Variants in PPIP5K1 observed in about 807,000 individuals in gnomAD.
The protein encoded by PPIP5K1 is diphosphoinositol pentakisphosphate kinase 1.
In PPIP5K1, 6 loss-of-function variants were observed where a neutral mutation model predicts 27.7. The observed-to-expected ratio is 0.22, with a 90% CI of 0.12 to 0.43. The LOEUF is 0.43. Ranked by LOEUF, PPIP5K1 falls within the 20% of genes least tolerant of loss-of-function variation. The probability of loss-of-function intolerance (pLI) is 1.00; values close to 1 mark genes in which losing one functional copy is unlikely to be tolerated. For synonymous variants in PPIP5K1, 145 were observed against 242.6 expected (o/e 0.60, Z 3.74); for missense variants, 394 against 635.4 (o/e 0.62, Z 4.08).
intron 30 of PPIP5K1, among the ~76,000 whole-genome samples, chr15:43,556,791 G>A (rs2083017240): frequency 1.3e-5 from 2 of 152,200 alleles, no homozygotes; most frequent in African/African-American, 2.4e-5. Context: ...CATTGAGAAC[G>A]TGGGCTGTCA....
intron 29 of PPIP5K1, among the ~76,000 whole-genome samples, chr15:43,559,321 G>A (rs966585263): frequency 5.9e-5 from 9 of 152,204 alleles, no homozygotes; most frequent in African/African-American, 2.2e-4. Flanking sequence ...CATGAGATAG[G>A]GAGGTCAGGG....
rs201588124 is a variant in PPIP5K1 at position 43,549,056 on chromosome 15, A to C, written c.3557-9473T>G. 1.3e-4 allele frequency among the ~76,000 whole-genome samples: 7 copies of C among 54,292 alleles called. No individual in the cohort carries two copies. In the East Asian group the frequency reaches 4.9e-3, roughly 38 times the overall value. The allele number at this position is 54,292 out of a possible 152,430, so 35.6% of individuals were successfully genotyped here. ...AAAAAAAAAAAAAAAAAAAAAAAAA[A>C]ATATATATATATATATATATATATA... On this transcript the variant is annotated intron_variant, in intron 30 of 31. Transcript: ENST00000420765.
intron 30 of PPIP5K1, among the ~76,000 whole-genome samples, chr15:43,557,933 T>C (rs775769119): frequency 4.0e-5 from 6 of 150,596 alleles, no homozygotes; most frequent in Non-Finnish European, 7.4e-5. Context: ...GCCTCTAGAG[T>C]TGCTGGGATT....
At chr15:43,557,546 G>A (rs999103159) in intron 30 of PPIP5K1, among the ~76,000 whole-genome samples, 5 of 152,274 alleles carry the variant, frequency 3.3e-5, no homozygotes, top group Middle Eastern at 3.4e-3. Context: ...AATAAGCTAC[G>A]ACTGCAAAAA....
chr15:43,535,209 T>A lies in PPIP5K1; in HGVS notation c.3938A>T (p.Gln1313Leu), dbSNP rs1172124187. The change falls in exon 32 of 32, where the codon CAG (glutamine) becomes CTG (leucine). Residue 1313 changes from glutamine (Q) to leucine (L), a missense_variant. This residue lies in a region of PPIP5K1 where 379 missense variants were observed against 423.9 expected (regional missense o/e 0.89). Transcript: ENST00000420765. Reference protein sequence around the residue: ...ETSQPYEEVSQPCQEVPDISQ... With the variant: ...ETSQPYEEVSLPCQEVPDISQ... ...GATGTCAGGGACCTCCTGACATGGC[T>A]GGCTGACCTCCTCGTATGGCTGGCT... is the stretch of plus-strand genomic sequence containing the variant. 1.2e-6 allele frequency: 2 copies of A among 1,614,208 alleles called. No homozygotes were observed. The highest frequency in any genetic ancestry group is 2.2e-5 in the South Asian group (2 of 91,080).
intron 30 of PPIP5K1, among the ~76,000 whole-genome samples, chr15:43,556,102 G>C (rs543215135): frequency 6.6e-6 from 1 of 152,078 alleles, no homozygotes; most frequent in East Asian, 1.9e-4. Flanking sequence ...GGCGGATCAC[G>C]AGGTCAAGAG....
intron 30 of PPIP5K1, among the ~76,000 whole-genome samples, 195 bp from the exon 31 acceptor site, chr15:43,539,778 A>G (rs2080421932): frequency 1.3e-5 from 2 of 152,210 alleles, no homozygotes; most frequent in African/African-American, 4.8e-5. Flanking sequence ...TCAAACATAT[A>G]TTTTTAAAAA....
At chr15:43,558,069 T>C (rs1235556444) in intron 30 of PPIP5K1, among the ~76,000 whole-genome samples, 2 of 150,978 alleles carry the variant, frequency 1.3e-5, no homozygotes, top group African/African-American at 2.4e-5. Context: ...ATTATCCTTT[T>C]TTTTTTTTTT....
intron 30 of PPIP5K1, among the ~76,000 whole-genome samples, chr15:43,540,802 C>T (rs2080579869): frequency 7.3e-6 from 1 of 136,626 alleles, no homozygotes; most frequent in Non-Finnish European, 1.5e-5. Flanking sequence ...AGAGGTTGCA[C>T]AGTGAGCAGA....
rs1166235333 is a variant in PPIP5K1 at position 43,536,178 on chromosome 15, G to A, written c.3671-702C>T. On this transcript the variant is annotated intron_variant, in intron 31 of 31. Transcript: ENST00000420765. ...TCACGCCTGTAATCCCAGCACTTTG[G>A]GAGGCCGAGGCAGGCAGATCACTTG... 3 of 985,838 alleles carry A rather than the reference G, an allele frequency of 3.0e-6. No homozygotes were observed. In the East Asian group the frequency reaches 2.0e-4, roughly 65 times the overall value. 61.1% of individuals were successfully genotyped at this position (985,838 alleles called of 1,614,324 possible).
At position 43,534,359 on chromosome 15, in the gene PPIP5K1, C is replaced by T. The variant is rs689797; in HGVS notation, c.*315G>A. On this transcript the variant is annotated 3_prime_UTR_variant, in exon 32 of 32. Transcript: ENST00000420765. The stretch of plus-strand genomic sequence containing the variant: ...CTAAGTGAGGAGCCAATGGCTTCTT[C>T]GAACCTAAAACTGGCTCCTCCTCAA... 95,143 of 234,526 alleles carry T rather than the reference C, an allele frequency of 0.41. 24,569 individuals are homozygous for T. The highest frequency in any genetic ancestry group is 0.82 in the African/African-American group (36,306 of 44,512). 14.5% of individuals were successfully genotyped at this position (234,526 alleles called of 1,614,324 possible). A position where few individuals can be genotyped will look rare whatever the true frequency, so the allele number is the denominator to read the frequency against.
rs1372048140 is a variant in PPIP5K1, at chr15:43,558,890, T to C, written c.3461A>G (p.Glu1154Gly). The C allele has an allele frequency of 6.2e-7, 1 of 1,613,932 alleles. No homozygotes were observed. The highest frequency in any genetic ancestry group is 8.5e-7 in the Non-Finnish European group (1 of 1,180,032). Residue 1154 changes from glutamate to glycine, a missense_variant, in exon 30 of 32, where the codon GAA (glutamate) becomes GGA (glycine). By Grantham distance (98) the Glu-to-Gly change is moderately conservative (BLOSUM62 -2). Transcript: ENST00000420765. ...CSMVPTIYPL[E>G]TLHNALSLRQ... ...TAGGGAAAGGGCATTATGCAGTGTT[T>C]CCAGAGGGTAGATGGTAGGCACCAT...
At chr15:43,554,508 C>T (rs1248538776) in intron 30 of PPIP5K1, among the ~76,000 whole-genome samples, 1 of 152,060 alleles carries the variant, frequency 6.6e-6, no homozygotes, top group African/African-American at 2.4e-5. Context: ...GCTACTTCAG[C>T]TCTCTTTTGG....
intron 30 of PPIP5K1, among the ~76,000 whole-genome samples, chr15:43,555,205 A>C (rs1001639298): frequency 6.6e-6 from 1 of 152,130 alleles, no homozygotes; most frequent in African/African-American, 2.4e-5. Flanking sequence ...CTAAATCTTG[A>C]TTGCTTTTCT....
chr15:43,550,143 CT>C (rs548798606), intron 30 of PPIP5K1, among the ~76,000 whole-genome samples: 22 of 147,960 alleles, frequency 1.5e-4, no homozygotes, highest in South Asian at 1.3e-3. Context: ...TTTTTTCTTT[CT>C]TTTTTTTTTG....
rs1460886664 is a variant in PPIP5K1, at chr15:43,535,132, C to A, written c.4015G>T (p.Val1339Phe). ...SEALSQPCQK[V>F]PDISQQCQEN... Reference sequence around the variant, plus strand: ...TGGCATTGCTGGCTGATGTCAGGGACCTTCTGACATGGCTGGCTGAGCGCC... The same window carrying A: ...TGGCATTGCTGGCTGATGTCAGGGAACTTCTGACATGGCTGGCTGAGCGCC... The change falls in exon 32 of 32, where the codon GTC (valine) becomes TTC (phenylalanine). Residue 1339 changes from valine to phenylalanine, a missense_variant. Physicochemically the swap from Val to Phe is conservative, Grantham distance 50. Transcript: ENST00000420765. 1 of 1,613,834 alleles carries A rather than the reference C, an allele frequency of 6.2e-7. No homozygotes were observed. The highest frequency in any genetic ancestry group is 8.5e-7 in the Non-Finnish European group (1 of 1,179,930).
At chr15:43,547,179 T>G (rs913862591) in intron 30 of PPIP5K1, among the ~76,000 whole-genome samples, 12 of 152,362 alleles carry the variant, frequency 7.9e-5, no homozygotes, top group African/African-American at 2.9e-4. Context: ...CATGTGCTTC[T>G]TAGCTATTTA....
At chr15:43,545,179 T>TAA (rs60345631) in intron 30 of PPIP5K1, among the ~76,000 whole-genome samples, 30 of 106,430 alleles carry the variant, frequency 2.8e-4, no homozygotes, top group Non-Finnish European at 2.7e-4. Context: ...GTCCGTCTCA[T>TAA]AAAAAAAAAA....
Position 43,549,058 on chromosome 15 carries a change from T to TATAC in PPIP5K1, c.3557-9476_3557-9475insGTAT, listed in dbSNP as rs1942389720. Among the ~76,000 whole-genome samples, 13 of 36,852 alleles carry TATAC rather than the reference T, an allele frequency of 3.5e-4. No homozygotes were observed. The South Asian group carries it at 0.012, about 33-fold the overall frequency. 24.2% of individuals were successfully genotyped at this position (36,852 alleles called of 152,430 possible). ...AAAAAAAAAAAAAAAAAAAAAAAAA[T>TATAC]ATATATATATATATATATATATACA... On this transcript the variant is annotated intron_variant, in intron 30 of 31. Transcript: ENST00000420765.
Sources: gnomAD v4.1 joint callset for allele counts (sites outside exome capture counted in the v4.1 genomes callset) on GRCh38, gnomAD v4.1.1 for gene constraint, gnomAD v4.1.1 regional missense constraint, MANE v1.5 for transcripts, NCBI Gene and HGNC (gene_info 2026-07-23, HGNC 2026-07-21) for gene names.